TOX: variants seen among roughly 807,000 people sequenced by gnomAD.
TOX encodes the protein thymocyte selection associated high mobility group box, also known as thymocyte selection-associated high mobility group box protein TOX.
Under a neutral mutation model 53.7 loss-of-function variants are expected in TOX, and 11 were observed. That is an observed-to-expected ratio of 0.20 (90% CI 0.13 to 0.34). The LOEUF (loss-of-function observed/expected upper bound fraction) is 0.34. Among genes scored for constraint, TOX ranks in the 10% least tolerant of loss-of-function variants. The probability of loss-of-function intolerance (pLI) is 1.00; values close to 1 mark genes in which losing one functional copy is unlikely to be tolerated. For missense variants in TOX, 570 were observed against 664.6 expected, an observed-to-expected ratio of 0.86 and a Z score of 1.56; for synonymous variants, 225 against 245.3, an observed-to-expected ratio of 0.92 and a Z score of 0.77.
intron 4 of TOX, among the ~76,000 whole-genome samples, chr8:58,841,732 C>T (rs62505119): frequency 0.18 from 27,998 of 152,076 alleles, 2,817 homozygotes; most frequent in Non-Finnish European, 0.23. Flanking sequence ...CATTTCATGA[C>T]GTACACATAT....
At chr8:58,934,184 G>A (rs1398707479) in intron 3 of TOX, among the ~76,000 whole-genome samples, 1 of 152,120 alleles carries the variant, frequency 6.6e-6, no homozygotes, top group Non-Finnish European at 1.5e-5. Flanking sequence ...CTGTTTTATA[G>A]CCTGTCTTAG....
At chr8:58,942,952 G>A (rs540347984) in intron 2 of TOX, among the ~76,000 whole-genome samples, 3 of 152,292 alleles carry the variant, frequency 2.0e-5, no homozygotes, top group African/African-American at 7.2e-5. Flanking sequence ...GTTTCCTGAA[G>A]CCTCACCAGA....
intron 6 of TOX, among the ~76,000 whole-genome samples, chr8:58,816,617 G>GA (rs1286698415): frequency 6.6e-6 from 1 of 152,062 alleles, no homozygotes; most frequent in Non-Finnish European, 1.5e-5. Context: ...CAACTGGAAG[G>GA]AAAAAAGTGA....
At chr8:58,912,362 A>C (rs1371840837) in intron 3 of TOX, among the ~76,000 whole-genome samples, 3 of 152,266 alleles carry the variant, frequency 2.0e-5, no homozygotes, top group Non-Finnish European at 4.4e-5. Context: ...ATCCTAAACT[A>C]AGCTTAGTTC....
chr8:58,871,688 C>T (rs1455422861), intron 3 of TOX, among the ~76,000 whole-genome samples: 1 of 152,042 alleles, frequency 6.6e-6, no homozygotes, highest in East Asian at 1.9e-4. Flanking sequence ...GAATGGAACC[C>T]TGATTTAAAT....
intron 2 of TOX, among the ~76,000 whole-genome samples, chr8:58,951,908 AG>A (rs1435453213): frequency 6.6e-6 from 1 of 152,252 alleles, no homozygotes; most frequent in African/African-American, 2.4e-5. Flanking sequence ...TCAAATCATT[AG>A]GGTTATAGTT....
chr8:59,012,186 G>A (rs1813918619), intron 1 of TOX, among the ~76,000 whole-genome samples: 1 of 152,110 alleles, frequency 6.6e-6, no homozygotes, highest in Admixed American at 6.5e-5. Context: ...GGAATTTAAT[G>A]GTGATTTAAG....
intron 5 of TOX, among the ~76,000 whole-genome samples, chr8:58,831,739 G>T (rs919024964): frequency 1.3e-5 from 2 of 152,154 alleles, no homozygotes; most frequent in African/African-American, 2.4e-5. Flanking sequence ...CATAGTAGGT[G>T]CTCATGAAAT....
At chr8:58,931,225 C>T (rs1395712095) in intron 3 of TOX, among the ~76,000 whole-genome samples, 6 of 151,970 alleles carry the variant, frequency 3.9e-5, no homozygotes, top group East Asian at 1.9e-4. Flanking sequence ...AAAACATCCA[C>T]GTAGAGGCAG....
At chr8:58,923,904 G>A (rs748063983) in intron 3 of TOX, among the ~76,000 whole-genome samples, 5 of 152,132 alleles carry the variant, frequency 3.3e-5, no homozygotes, top group Admixed American at 6.5e-5. Flanking sequence ...GACACCCAAC[G>A]GCCTAGCTAT....
intron 3 of TOX, among the ~76,000 whole-genome samples, chr8:58,903,988 T>C (rs1371906057): frequency 6.6e-6 from 1 of 152,196 alleles, no homozygotes; most frequent in East Asian, 1.9e-4. Flanking sequence ...GAGCAAACAC[T>C]ATTAAAATGA....
chr8:58,936,290 C>T (rs568272818), intron 3 of TOX, among the ~76,000 whole-genome samples: 8 of 152,278 alleles, frequency 5.3e-5, no homozygotes, highest in Admixed American at 1.3e-4. Context: ...CAAGCCGTGA[C>T]GGCTGTCCTA....
intron 3 of TOX, among the ~76,000 whole-genome samples, chr8:58,901,646 C>T (rs553532565): frequency 6.6e-6 from 1 of 152,092 alleles, no homozygotes; most frequent in African/African-American, 2.4e-5. Flanking sequence ...GACTTCTCTA[C>T]TTCTAAAGGT....
chr8:59,036,397 C>T (rs1293102399), intron 1 of TOX, among the ~76,000 whole-genome samples: 5 of 152,200 alleles, frequency 3.3e-5, no homozygotes, highest in Admixed American at 2.0e-4. Context: ...ATCCCTGCAA[C>T]GGCCTCTTGT....
intron 1 of TOX, among the ~76,000 whole-genome samples, chr8:59,042,113 C>A (rs1182632929): frequency 1.3e-5 from 2 of 152,092 alleles, no homozygotes; most frequent in African/African-American, 4.8e-5. Flanking sequence ...CAAATAGTGT[C>A]CAAGTATTAA....
intron 3 of TOX, among the ~76,000 whole-genome samples, chr8:58,904,459 C>G (rs760678235): frequency 2.0e-5 from 3 of 152,124 alleles, no homozygotes; most frequent in Admixed American, 6.6e-5. Flanking sequence ...TCTACCTCCA[C>G]AGCCTATGGG....
At chr8:58,835,221 C>T (rs1478735199) in intron 5 of TOX, among the ~76,000 whole-genome samples, 1 of 152,100 alleles carries the variant, frequency 6.6e-6, no homozygotes, top group Non-Finnish European at 1.5e-5. Flanking sequence ...AAGGTAGACT[C>T]ATTACAAGTT....
intron 3 of TOX, among the ~76,000 whole-genome samples, chr8:58,853,013 A>G (rs1433789867): frequency 1.3e-5 from 2 of 152,176 alleles, no homozygotes; most frequent in African/African-American, 2.4e-5. Context: ...ATCATTTTAC[A>G]CCATTTTCCC....
chr8:58,898,786 C>G (rs1194349439), intron 3 of TOX, among the ~76,000 whole-genome samples: 3 of 152,212 alleles, frequency 2.0e-5, no homozygotes, highest in Non-Finnish European at 4.4e-5. Context: ...CAGAGGAGGT[C>G]AACCCCTTCT....
Sources: gnomAD v4.1 joint callset for allele counts (sites outside exome capture counted in the v4.1 genomes callset) on GRCh38, gnomAD v4.1.1 for gene constraint, MANE v1.5 for transcripts, NCBI Gene and HGNC (gene_info 2026-07-23, HGNC 2026-07-21) for gene names.